IFT122: variants seen among roughly 807,000 people sequenced by gnomAD.
IFT122 encodes the protein intraflagellar transport protein 122 homolog.
Under a neutral mutation model 161.6 loss-of-function variants are expected in IFT122, and 118 were observed. That is an observed-to-expected ratio of 0.73 (90% CI 0.63 to 0.85). IFT122 has a LOEUF of 0.85. Among genes scored for constraint, IFT122 ranks in the 40% least tolerant of loss-of-function variants. IFT122 has a pLI of 0.00. For missense variants in IFT122, 1,381 were observed against 1,579.6 expected (o/e 0.87, Z 2.13); for synonymous variants, 550 against 602.4 (o/e 0.91, Z 1.27).
Position 129,476,467 on chromosome 3 carries a change from G to C in IFT122, c.969G>C (p.Trp323Cys). 1.9e-6 allele frequency: 3 copies of C among 1,614,106 alleles called. No individual in the cohort carries two copies. Among genetic ancestry groups the C allele is most frequent in the Non-Finnish European group, 1.7e-6 (2 of 1,180,026 alleles). Residue 323 changes from tryptophan (W) to cysteine (C), a missense_variant, in exon 10 of 30, where the codon TGG (tryptophan) becomes TGC (cysteine). Transcript: ENST00000348417. ...GGACTGTTGGGGAGCAGAACTCCTG[G>C]GTGTGGACGTGTCAAGCGAAACCGG... is the stretch of plus-strand genomic sequence containing the variant. ...RLGTVGEQNS[W>C]VWTCQAKPDS...
In IFT122 at chr3:129,498,490, T is replaced by G. The variant is rs528575102; in HGVS notation, c.2209-1412T>G. On this transcript the variant is annotated intron_variant, in intron 18 of 29. Transcript: ENST00000348417. Reference sequence around the variant, plus strand: ...GCGGCTGCTTTCCAAGCCCCTTCCCTTTGTCAGCTCCAGGGAGAACCAAAG... The same window carrying G: ...GCGGCTGCTTTCCAAGCCCCTTCCCGTTGTCAGCTCCAGGGAGAACCAAAG... Among the ~76,000 whole-genome samples, 299 of 152,288 alleles carry G rather than the reference T, an allele frequency of 2.0e-3. 1 individual carries two copies. The highest frequency in any genetic ancestry group is 6.3e-3 in the African/African-American group (261 of 41,566).
chr3:129,451,900 G>C lies in IFT122; in HGVS notation c.109-14G>C. The C allele has an allele frequency of 6.2e-7, 1 of 1,605,524 alleles. No individual in the cohort carries two copies. The highest frequency in any genetic ancestry group is 8.5e-7 in the Non-Finnish European group (1 of 1,172,298). The stretch of plus-strand genomic sequence containing the variant: ...GATATCACATAGATAATCTGTATTT[G>C]TCTCTTTTGCCAGGTTTATGACACC... On this transcript the variant is annotated splice_polypyrimidine_tract_variant and intron_variant, in intron 2 of 29. Transcript: ENST00000348417.
At chr3:129,489,060 G>A (rs538145570) in intron 16 of IFT122, among the ~76,000 whole-genome samples, 23 of 152,222 alleles carry the variant, frequency 1.5e-4, no homozygotes, top group African/African-American at 5.5e-4. Flanking sequence ...ACCTCAGATG[G>A]AGGAAGGAAT....
chr3:129,466,282 A>AT (rs967560965), intron 7 of IFT122, among the ~76,000 whole-genome samples: 3 of 151,562 alleles, frequency 2.0e-5, no homozygotes, highest in African/African-American at 4.8e-5. Context: ...TTCCTGAATA[A>AT]TTTTTTTTGG....
chr3:129,456,282 G>C (rs1014188576), intron 3 of IFT122: 2 of 1,245,662 alleles, frequency 1.6e-6, no homozygotes, highest in African/African-American at 1.6e-5. Context: ...CAGTTTCTTT[G>C]TTTATTTAGT....
intron 23 of IFT122, among the ~76,000 whole-genome samples, chr3:129,510,618 C>A (rs1388770218): frequency 6.6e-6 from 1 of 152,192 alleles, no homozygotes; most frequent in East Asian, 1.9e-4. Context: ...TTCCCTCAGA[C>A]TTTTCTCTCG....
At chr3:129,507,253 A>G (rs6781214) in intron 22 of IFT122, among the ~76,000 whole-genome samples, 16,241 of 152,206 alleles carry the variant, frequency 0.11, 1,314 homozygotes, top group African/African-American at 0.22. Flanking sequence ...CCAGTGCCTT[A>G]TGCTTCTGAT....
chr3:129,481,094 C>T (rs574238625), intron 13 of IFT122, among the ~76,000 whole-genome samples: 1 of 152,270 alleles, frequency 6.6e-6, no homozygotes, highest in Admixed American at 6.5e-5. Context: ...CCAGGGATAT[C>T]AGTAAATGAT....
At chr3:129,499,784 A>C in intron 18 of IFT122, 118 bp from the exon 19 acceptor site, 1 of 1,220,286 alleles carries the variant, frequency 8.2e-7, no homozygotes, top group Non-Finnish European at 1.2e-6. Context: ...GGCCCTGCCT[A>C]CCTCCTGGTT....
At chr3:129,520,068 T>C (rs2084564190) in intron 29 of IFT122, 108 bp from the exon 30 acceptor site, 1 of 896,746 alleles carries the variant, frequency 1.1e-6, no homozygotes, top group African/African-American at 1.6e-5. Flanking sequence ...TGTCCAGCCC[T>C]GACCACTGCC....
chr3:129,502,572 C>A, intron 19 of IFT122, 139 bp from the exon 20 acceptor site: 1 of 941,710 alleles, frequency 1.1e-6, no homozygotes, highest in Non-Finnish European at 1.7e-6. Context: ...TGTATTCATG[C>A]ATTTAATAAC....
In IFT122 at chr3:129,478,038, T is replaced by G. The variant is rs1292603855; in HGVS notation, c.1170T>G (p.Leu390=). Residue 390 remains leucine (L), a synonymous_variant, in exon 12 of 30, where the codon CTT becomes CTG. Transcript: ENST00000348417. ...EQKVRIKCKE[L]VKKIAIYRNR... Reference sequence around the variant, plus strand: ...CAGTTCGGATTAAATGCAAAGAGCTTGTCAAGAAGATTGCCATCTACAGAA... The same window carrying G: ...CAGTTCGGATTAAATGCAAAGAGCTGGTCAAGAAGATTGCCATCTACAGAA... The G allele has an allele frequency of 1.2e-6, 2 of 1,614,206 alleles. No individual in the cohort carries two copies. Among genetic ancestry groups the G allele is most frequent in the Admixed American group, 1.7e-5 (1 of 60,028 alleles).
chr3:129,440,714 C>T (rs1160900441), intron 1 of IFT122, among the ~76,000 whole-genome samples: 3 of 152,188 alleles, frequency 2.0e-5, no homozygotes, highest in African/African-American at 7.2e-5. Flanking sequence ...CCACATAGTA[C>T]CCATACTCTT....
intron 14 of IFT122, among the ~76,000 whole-genome samples, chr3:129,482,913 G>T (rs1237468452): frequency 6.6e-6 from 1 of 152,156 alleles, no homozygotes; most frequent in East Asian, 1.9e-4. Flanking sequence ...CCTATAGGGG[G>T]CATAGCTGGC....
At chr3:129,440,790 A>C (rs1295859832) in intron 1 of IFT122, among the ~76,000 whole-genome samples, 1 of 152,248 alleles carries the variant, frequency 6.6e-6, no homozygotes, top group Non-Finnish European at 1.5e-5. Context: ...TTTTACAAGG[A>C]AACTTTATTA....
chr3:129,466,799 G>A (rs960231841), intron 7 of IFT122, 91 bp from the exon 8 acceptor site: 9 of 1,271,576 alleles, frequency 7.1e-6, no homozygotes, highest in Non-Finnish European at 1.0e-5. Flanking sequence ...CACTGCACCT[G>A]GCCCCCAGGG....
In IFT122 at chr3:129,458,684, A is replaced by G; in HGVS notation, c.272+7A>G. 1.3e-6 allele frequency: 2 copies of G among 1,576,888 alleles called. No homozygotes were observed. The highest frequency in any genetic ancestry group is 1.7e-6 in the Non-Finnish European group (2 of 1,146,054). ...AAGGCATTCTGAAGTACACGTAAGTAACTTAGGTGTACAGTATTATGAGTT... is the reference window on the plus strand; with the variant it reads ...AAGGCATTCTGAAGTACACGTAAGTGACTTAGGTGTACAGTATTATGAGTT... On this transcript the variant is annotated splice_region_variant and intron_variant, in intron 4 of 29. Coordinates refer to ENST00000348417, the MANE Select transcript of IFT122 (RefSeq NM_052989.3).
rs2074536945 is a variant in IFT122 at position 129,449,855 on chromosome 3, C to T, written c.42-16C>T. On this transcript the variant is annotated splice_polypyrimidine_tract_variant and intron_variant, in intron 1 of 29. Coordinates refer to ENST00000348417, the MANE Select transcript of IFT122 (RefSeq NM_052989.3). ...TTTTGGTTCCTAATTGTCTTTTTCC[C>T]TTGTCTTCTGTTCAGTATAAATGAC... The T allele has an allele frequency of 6.2e-7, 1 of 1,602,292 alleles. No homozygotes were observed. The highest frequency in any genetic ancestry group is 2.2e-5 in the East Asian group (1 of 44,820).
chr3:129,514,270 C>T, intron 24 of IFT122, 119 bp from the exon 25 acceptor site: 1 of 1,140,474 alleles, frequency 8.8e-7, no homozygotes, highest in Non-Finnish European at 1.3e-6. Context: ...ACGGTCTTTC[C>T]TCTGCCTTCC....
Sources: gnomAD v4.1 joint callset for allele counts (sites outside exome capture counted in the v4.1 genomes callset) on GRCh38, gnomAD v4.1.1 for gene constraint, MANE v1.5 for transcripts, NCBI Gene and HGNC (gene_info 2026-07-23, HGNC 2026-07-21) for gene names.